Variants in ZSCAN2 observed in about 807,000 individuals in gnomAD.
ZSCAN2 encodes zinc finger and SCAN domain containing 2.
Under a neutral mutation model 47.8 loss-of-function variants are expected in ZSCAN2, and 26 were observed. The ratio of observed to expected loss-of-function variants is 0.54; its 90% CI spans 0.40 to 0.75. ZSCAN2 has a LOEUF of 0.75. Among genes scored for constraint, ZSCAN2 ranks in the 30% least tolerant of loss-of-function variants. ZSCAN2 has a pLI of 0.00. For missense variants in ZSCAN2, 732 were observed against 785.4 expected (o/e 0.93, Z 0.81); for synonymous variants, 305 against 288.7 (o/e 1.06, Z -0.57).
intron 2 of ZSCAN2, among the ~76,000 whole-genome samples, chr15:84,612,950 T>C (rs1327466712): frequency 1.3e-5 from 2 of 152,256 alleles, no homozygotes; most frequent in Admixed American, 1.3e-4. Context: ...TCTAATAGTT[T>C]GATGCTGCTA....
Position 84,604,156 on chromosome 15 carries a change from C to G in ZSCAN2, c.229C>G (p.Leu77Val). 1 of 1,613,600 alleles carries G rather than the reference C, an allele frequency of 6.2e-7. No homozygotes were observed. The highest frequency in any genetic ancestry group is 8.5e-7 in the Non-Finnish European group (1 of 1,179,832). The change falls in exon 2 of 3, where the codon CTC (leucine) becomes GTC (valine). Residue 77 changes from leucine to valine, a missense_variant. Physicochemically the swap from Leu to Val is conservative, Grantham distance 32. Around this residue, in one of 2 missense-constraint regions of ZSCAN2, gnomAD observed 320 missense variants for 287.4 expected, o/e 1.11. Transcript: ENST00000546148. ...EEVTRGPQGA[L>V]GRLRELCRRW... ...GGTGACCAGGGGACCACAGGGTGCACTCGGCCGCCTCCGAGAGCTCTGCCG... is the reference window on the plus strand; with the variant it reads ...GGTGACCAGGGGACCACAGGGTGCAGTCGGCCGCCTCCGAGAGCTCTGCCG...
At chr15:84,606,570 T>C in intron 2 of ZSCAN2, 1 of 1,614,112 alleles carries the variant, frequency 6.2e-7, no homozygotes, top group Non-Finnish European at 8.5e-7. Flanking sequence ...GGTGACCAGT[T>C]TGTAATGAAC....
chr15:84,608,581 TGATC>T (rs1895453129), intron 2 of ZSCAN2, among the ~76,000 whole-genome samples: 12 of 150,030 alleles, frequency 8.0e-5, no homozygotes, highest in Admixed American at 8.0e-4. Flanking sequence ...GCATTCTAAG[TGATC>T]CTGATTCAAA....
chr15:84,614,004 T>TTTTTC, intron 2 of ZSCAN2, among the ~76,000 whole-genome samples: 1 of 131,226 alleles, frequency 7.6e-6, no homozygotes, highest in Non-Finnish European at 1.6e-5. Context: ...TTTTTTTTTT[T>TTTTTC]TTCAGAGACA....
chr15:84,622,503 T>TAGTGTTCCAGGGCACCCCAAGCTGTC lies in ZSCAN2; in HGVS notation c.*467_*492dup. 6.1e-6 allele frequency: 4 copies of TAGTGTTCCAGGGCACCCCAAGCTGTC among 657,254 alleles called. No individual in the cohort carries two copies. Among genetic ancestry groups the TAGTGTTCCAGGGCACCCCAAGCTGTC allele is most frequent in the Non-Finnish European group, 1.1e-5 (4 of 357,066 alleles). The allele number at this position is 657,254 out of a possible 1,614,324, so 40.7% of individuals were successfully genotyped here. On this transcript the variant is annotated 3_prime_UTR_variant, in exon 3 of 3. Transcript: ENST00000546148. ...CTAAGGTGCCTTCACCCCAAGCTGT[T>TAGTGTTCCAGGGCACCCCAAGCTGTC]AGTGTTCCAGGGCACCCCAAGCTGT...
chr15:84,606,009 C>T (rs758454338), intron 2 of ZSCAN2, among the ~76,000 whole-genome samples: 4 of 152,192 alleles, frequency 2.6e-5, no homozygotes, highest in Non-Finnish European at 5.9e-5. Context: ...GGACATAGCC[C>T]ATGTTTTTAA....
intron 2 of ZSCAN2, among the ~76,000 whole-genome samples, chr15:84,619,319 A>G (rs1055378086): frequency 2.6e-5 from 4 of 151,788 alleles, no homozygotes; most frequent in African/African-American, 9.7e-5. Flanking sequence ...AGTCCCAGCT[A>G]CTCGGGAGGC....
At chr15:84,606,260 C>T in intron 2 of ZSCAN2, 1 of 413,476 alleles carries the variant, frequency 2.4e-6, no homozygotes, top group African/African-American at 2.1e-5. Flanking sequence ...CTGCAGTGAC[C>T]CAGCCCTGCC....
chr15:84,604,710 T>C (rs1895322831), intron 2 of ZSCAN2, among the ~76,000 whole-genome samples: 1 of 151,910 alleles, frequency 6.6e-6, no homozygotes, highest in South Asian at 2.1e-4. Context: ...CAATCTGATA[T>C]TTTCAACATG....
chr15:84,607,010 T>G (rs1895403521), intron 2 of ZSCAN2: 2 of 352,882 alleles, frequency 5.7e-6, no homozygotes, highest in Admixed American at 1.3e-4. Context: ...CAGCACAGGA[T>G]ATTTCCAGGC....
At chr15:84,619,512 T>G (rs538621168) in intron 2 of ZSCAN2, among the ~76,000 whole-genome samples, 1 of 152,268 alleles carries the variant, frequency 6.6e-6, no homozygotes, top group African/African-American at 2.4e-5. Context: ...AACTTGCTTC[T>G]AGTCATTGGT....
At chr15:84,603,454 C>T (rs1438365555) in intron 1 of ZSCAN2, among the ~76,000 whole-genome samples, 1 of 151,406 alleles carries the variant, frequency 6.6e-6, no homozygotes, top group East Asian at 1.9e-4. Context: ...CTGCAACCTC[C>T]GCCTCCTGGG....
chr15:84,618,034 T>C (rs1895734461), intron 2 of ZSCAN2, among the ~76,000 whole-genome samples: 1 of 152,252 alleles, frequency 6.6e-6, no homozygotes, highest in Non-Finnish European at 1.5e-5. Flanking sequence ...TCCAATTTTA[T>C]CATGTTCATA....
Position 84,606,672 on chromosome 15 carries a change from C to T in ZSCAN2, c.406+2339C>T, listed in dbSNP as rs892747334. On this transcript the variant is annotated intron_variant, in intron 2 of 2. Transcript: ENST00000546148. Reference sequence around the variant, plus strand: ...GTTATTTGGTTGGGGAGGCACAGAGCAGAGGTTCAGGTCTCAGCAGGTGTC... The same window carrying T: ...GTTATTTGGTTGGGGAGGCACAGAGTAGAGGTTCAGGTCTCAGCAGGTGTC... 10 of 1,575,270 alleles carry T rather than the reference C, an allele frequency of 6.3e-6. No homozygotes were observed. In the African/African-American group the frequency reaches 1.1e-4, roughly 17 times the overall value.
chr15:84,607,308 C>T (rs1254310533), intron 2 of ZSCAN2, among the ~76,000 whole-genome samples: 1 of 152,078 alleles, frequency 6.6e-6, no homozygotes, highest in African/African-American at 2.4e-5. Context: ...AGTGATGGGG[C>T]ACTCCTGCTT....
chr15:84,622,405 A>G lies in ZSCAN2; in HGVS notation c.*365A>G. 1.7e-6 allele frequency: 1 copy of G among 588,118 alleles called. No individual in the cohort carries two copies. The highest frequency in any genetic ancestry group is 3.1e-6 in the Non-Finnish European group (1 of 325,850). The allele number at this position is 588,118 out of a possible 1,614,324, so 36.4% of individuals were successfully genotyped here. A position where few individuals can be genotyped will look rare whatever the true frequency, so the allele number is the denominator to read the frequency against. On this transcript the variant is annotated 3_prime_UTR_variant, in exon 3 of 3. Transcript: ENST00000546148. ...ACAGCATGGCCCACAACGTGGGCCG[A>G]GTCCTCAGAGAAATACTGGAAATCA...
chr15:84,601,074 C>G lies in ZSCAN2; in HGVS notation c.-170C>G, dbSNP rs1361945641. On this transcript the variant is annotated 5_prime_UTR_variant, in exon 1 of 3. Coordinates refer to ENST00000546148, the MANE Select transcript of ZSCAN2 (RefSeq NM_181877.4). ...CGGGGTGAATCTGGAGGGGCCGGGCCGAGCCCGGGGGCGCTTTCGCACGCG... is the reference window on the plus strand; with the variant it reads ...CGGGGTGAATCTGGAGGGGCCGGGCGGAGCCCGGGGGCGCTTTCGCACGCG... 2 of 152,552 alleles carry G rather than the reference C, an allele frequency of 1.3e-5. No homozygotes were observed. The highest frequency in any genetic ancestry group is 1.9e-4 in the East Asian group (1 of 5,200). The allele number at this position is 152,552 out of a possible 1,614,324, so 9.4% of individuals were successfully genotyped here.
Position 84,612,734 on chromosome 15 carries a change from CAAAAG to C in ZSCAN2, c.407-7863_407-7859del, listed in dbSNP as rs1222136573. Among the ~76,000 whole-genome samples, 11 of 148,616 alleles carry C rather than the reference CAAAAG, an allele frequency of 7.4e-5. No homozygotes were observed. The South Asian group carries it at 2.3e-3, about 32-fold the overall frequency. ...TGGAAGACAGAGTGAGACTGCGTCTCAAAAGAAAAAAAAAAGGGGGAAATGACATT... is the reference window on the plus strand; with the variant it reads ...TGGAAGACAGAGTGAGACTGCGTCTCAAAAAAAAAAGGGGGAAATGACATT... On this transcript the variant is annotated intron_variant, in intron 2 of 2. Coordinates refer to ENST00000546148, the MANE Select transcript of ZSCAN2 (RefSeq NM_181877.4).
At chr15:84,620,478 G>C in intron 2 of ZSCAN2, 124 bp from the exon 3 acceptor site, 2 of 816,686 alleles carry the variant, frequency 2.4e-6, no homozygotes, top group South Asian at 3.5e-5. Flanking sequence ...TAAAGGCTTT[G>C]AGGATTTTCT....
Sources: allele counts gnomAD v4.1 joint callset (sites outside exome capture counted in the v4.1 genomes callset), GRCh38; gene constraint gnomAD v4.1.1; regional missense constraint gnomAD v4.1.1; transcripts MANE v1.5; gene names NCBI Gene and HGNC (gene_info 2026-07-23, HGNC 2026-07-21).